The following VPS36 variants were observed in gnomAD, a reference collection of about 807,000 sequenced individuals.
The protein encoded by VPS36 is vacuolar protein sorting 36 homolog, also known as vacuolar protein-sorting-associated protein 36.
VPS36 carries 31 observed loss-of-function variants against 63.5 expected under a neutral mutation model. That is an observed-to-expected ratio of 0.49 (90% CI 0.37 to 0.66). The LOEUF (loss-of-function observed/expected upper bound fraction) is 0.66, where lower values mean the gene tolerates loss of function less well. Ranked by LOEUF, VPS36 falls within the 30% of genes least tolerant of loss-of-function variation. The pLI, the probability that VPS36 is intolerant of heterozygous loss-of-function variation, is 0.00. For missense variants in VPS36, 338 were observed against 463.7 expected (o/e 0.73, Z 2.49); for synonymous variants, 138 against 157.2 (o/e 0.88, Z 0.91).
chr13:52,441,983 T>C (rs1298834904), intron 2 of VPS36, among the ~76,000 whole-genome samples: 1 of 152,094 alleles, frequency 6.6e-6, no homozygotes, highest in Non-Finnish European at 1.5e-5. Context: ...AGAGTAGAAT[T>C]TGACTAGTAT....
intron 1 of VPS36, among the ~76,000 whole-genome samples, chr13:52,449,418 A>C (rs1220300526): frequency 6.6e-6 from 1 of 152,200 alleles, no homozygotes; most frequent in East Asian, 1.9e-4. Flanking sequence ...ATTTAAGGAA[A>C]AGACCTTTAC....
At chr13:52,432,051 T>TA (rs145078228) in intron 6 of VPS36, among the ~76,000 whole-genome samples, 6 of 151,678 alleles carry the variant, frequency 4.0e-5, no homozygotes, top group African/African-American at 9.7e-5. Context: ...AATGACATGT[T>TA]AAAAAAAACC....
chr13:52,441,827 GC>G (rs1958280478), intron 2 of VPS36, among the ~76,000 whole-genome samples: 1 of 152,190 alleles, frequency 6.6e-6, no homozygotes, highest in Non-Finnish European at 1.5e-5. Flanking sequence ...CTAGGTAAAA[GC>G]ATGCACTTGA....
At position 52,414,257 on chromosome 13, in the gene VPS36, A is replaced by G. The variant is rs1460044268; in HGVS notation, c.*1573T>C. 3 of 152,232 alleles carry G rather than the reference A, an allele frequency of 2.0e-5. No homozygotes were observed. The highest frequency in any genetic ancestry group is 1.3e-4 in the Admixed American group (2 of 15,266). The allele number at this position is 152,232 out of a possible 1,614,324, so 9.4% of individuals were successfully genotyped here. A position where few individuals can be genotyped will look rare whatever the true frequency, so the allele number is the denominator to read the frequency against. On this transcript the variant is annotated 3_prime_UTR_variant, in exon 14 of 14. Transcript: ENST00000378060. ...TACCAACCAGAAAGAGGTGAGACAT[A>G]CAAACAAGCTTACACAATGGTCCAA...
chr13:52,434,932 C>T (rs770566561), intron 4 of VPS36, 50 bp from the exon 5 acceptor site: 1 of 1,459,004 alleles, frequency 6.9e-7, no homozygotes, highest in Admixed American at 2.0e-5. Context: ...ATTGTAACAT[C>T]CTTGTATAAA....
chr13:52,437,878 C>T (rs1032843072), intron 3 of VPS36, among the ~76,000 whole-genome samples: 1 of 151,068 alleles, frequency 6.6e-6, no homozygotes, highest in African/African-American at 2.4e-5. Context: ...TGCAGTGAGC[C>T]AAGATAGTGC....
intron 4 of VPS36, 127 bp downstream of exon 4, chr13:52,436,163 A>T (rs1486439756): frequency 1.8e-6 from 1 of 568,714 alleles, no homozygotes; most frequent in Non-Finnish European, 3.0e-6. Flanking sequence ...TTGTAAAAAT[A>T]TGGTGAAATC....
At chr13:52,418,184 G>C in intron 10 of VPS36, 128 bp from the exon 11 acceptor site, 1 of 795,104 alleles carries the variant, frequency 1.3e-6, no homozygotes, top group East Asian at 2.9e-5. Flanking sequence ...AAAAAAGATT[G>C]ACAAAGGAAC....
chr13:52,419,158 T>C (rs1027310384), intron 10 of VPS36, among the ~76,000 whole-genome samples: 13 of 152,290 alleles, frequency 8.5e-5, no homozygotes, highest in South Asian at 2.1e-4. Context: ...GGGGCTTAAT[T>C]CATGGGACTG....
chr13:52,412,911 A>G lies in VPS36; in HGVS notation c.*2919T>C, dbSNP rs1957961227. On this transcript the variant is annotated 3_prime_UTR_variant, in exon 14 of 14. Coordinates refer to ENST00000378060, the MANE Select transcript of VPS36 (RefSeq NM_016075.4). ...CATGCATGGAAATTATTAATGCTAT[A>G]AGAATCTCTTGATATGCAGTTTGTA... The G allele has an allele frequency of 6.6e-6, 1 of 152,656 alleles. No individual in the cohort carries two copies. The highest frequency in any genetic ancestry group is 2.4e-5 in the African/African-American group (1 of 41,474). The allele number at this position is 152,656 out of a possible 1,614,324, so 9.5% of individuals were successfully genotyped here.
intron 10 of VPS36, among the ~76,000 whole-genome samples, chr13:52,419,781 C>A (rs1958027599): frequency 6.6e-6 from 1 of 152,244 alleles, no homozygotes; most frequent in South Asian, 2.1e-4. Context: ...GTGAAGTAAG[C>A]TGGCACAGAA....
At chr13:52,447,042 A>AT (rs1958351160) in intron 1 of VPS36, among the ~76,000 whole-genome samples, 2 of 151,006 alleles carry the variant, frequency 1.3e-5, no homozygotes, top group East Asian at 1.9e-4. Flanking sequence ...CGCCCAGCTA[A>AT]TTTTTTGTAT....
At chr13:52,445,138 G>T (rs938332888) in intron 1 of VPS36, among the ~76,000 whole-genome samples, 1 of 152,264 alleles carries the variant, frequency 6.6e-6, no homozygotes, top group African/African-American at 2.4e-5. Flanking sequence ...CAACATGTCA[G>T]AGAATAGACC....
intron 10 of VPS36, among the ~76,000 whole-genome samples, chr13:52,422,578 C>T (rs1163739334): frequency 1.3e-5 from 2 of 152,014 alleles, no homozygotes; most frequent in East Asian, 1.9e-4. Flanking sequence ...AAGTACATTC[C>T]AGTGTTTGTT....
chr13:52,422,212 A>G, intron 10 of VPS36, among the ~76,000 whole-genome samples: 1 of 152,084 alleles, frequency 6.6e-6, no homozygotes, highest in East Asian at 1.9e-4. Flanking sequence ...AGAACATGCA[A>G]TATTTGTCTT....
At chr13:52,432,306 G>A (rs1048298948) in intron 6 of VPS36, among the ~76,000 whole-genome samples, 2 of 150,936 alleles carry the variant, frequency 1.3e-5, no homozygotes, top group Non-Finnish European at 2.9e-5. Context: ...AGCCAGGATC[G>A]AGCCACTGCA....
At position 52,426,999 on chromosome 13, in the gene VPS36, G is replaced by A; in HGVS notation, c.629C>T (p.Thr210Ile). ...NKIKDKQGDI[T>I]EDETIRFKSY... Reference sequence around the variant, plus strand: ...AAGCAACTTATTTACCTCATCTTCTGTGATGTCACCTTGTTTGTCTTTAAT... The same window carrying A: ...AAGCAACTTATTTACCTCATCTTCTATGATGTCACCTTGTTTGTCTTTAAT... The change falls in exon 8 of 14, where the codon ACA becomes ATA. Residue 210 changes from threonine to isoleucine, a missense_variant. Transcript: ENST00000378060. 6.2e-7 allele frequency: 1 copy of A among 1,611,900 alleles called. No individual in the cohort carries two copies. The highest frequency in any genetic ancestry group is 2.2e-5 in the East Asian group (1 of 44,786).
chr13:52,450,148 G>T, intron 1 of VPS36: 3 of 1,002,818 alleles, frequency 3.0e-6, no homozygotes, highest in Non-Finnish European at 3.6e-6. Context: ...TCGACTGCCG[G>T]ATCGCCGCCC....
At position 52,442,383 on chromosome 13, in the gene VPS36, T is replaced by C; in HGVS notation, c.159A>G (p.Lys53=). The C allele has an allele frequency of 6.2e-7, 1 of 1,604,968 alleles. No homozygotes were observed. Among genetic ancestry groups the C allele is most frequent in the East Asian group, 2.2e-5 (1 of 44,756 alleles). Residue 53 remains lysine, a synonymous_variant, in exon 2 of 14, where the codon AAA becomes AAG. Coordinates refer to ENST00000378060, the MANE Select transcript of VPS36 (RefSeq NM_016075.4). ...GCAAAAAACTGTATCTTACATGATTTTTCTGATCTCTCCAAATCAGTCGGT... is the reference window on the plus strand; with the variant it reads ...GCAAAAAACTGTATCTTACATGATTCTTCTGATCTCTCCAAATCAGTCGGT... ...STHRLIWRDQ[K]NHECCMAILL... is the part of the protein sequence containing the mutation.
Sources: gnomAD v4.1 joint callset for allele counts (sites outside exome capture counted in the v4.1 genomes callset) on GRCh38, gnomAD v4.1.1 for gene constraint, MANE v1.5 for transcripts, NCBI Gene and HGNC (gene_info 2026-07-23, HGNC 2026-07-21) for gene names.